Variants in ACER1 observed in about 807,000 individuals in gnomAD.
ACER1 encodes the protein CTB-180A7.3.
A neutral mutation model predicts 24.9 loss-of-function variants in ACER1; 28 were observed. The observed-to-expected ratio is 1.13, with a 90% confidence interval of 0.83 to 1.54. The LOEUF (loss-of-function observed/expected upper bound fraction) is 1.54. ACER1 is among the 40% of genes most tolerant of loss of function. The pLI is 0.00. For synonymous variants in ACER1, 132 were observed against 131.4 expected (o/e 1.00, Z -0.03); for missense variants, 352 against 349.3 (o/e 1.01, Z -0.06).
At chr19:6,348,012 C>A in the ACER1 span, among the ~76,000 whole-genome samples, 8,707 of 137,250 alleles carry the variant, frequency 0.063, 353 homozygotes, top group African/African-American at 0.13. Context: ...GGCCTCCCAA[C>A]GTGCTGGGAT....
At chr19:6,313,130 AT>A (rs2091589724) in intron 1 of ACER1, among the ~76,000 whole-genome samples, 1 of 151,798 alleles carries the variant, frequency 6.6e-6, no homozygotes, top group South Asian at 2.1e-4. Flanking sequence ...CTATTTATTT[AT>A]TTTACAGTCA....
chr19:6,313,253 G>A (rs1247277314), intron 1 of ACER1, among the ~76,000 whole-genome samples: 1 of 151,956 alleles, frequency 6.6e-6, no homozygotes, highest in Non-Finnish European at 1.5e-5. Context: ...CGAGTAGCTG[G>A]GACTACAGGT....
At chr19:6,358,166 G>A in the ACER1 span, among the ~76,000 whole-genome samples, 3 of 152,164 alleles carry the variant, frequency 2.0e-5, no homozygotes, top group African/African-American at 7.2e-5. Flanking sequence ...CAGAAACTGG[G>A]ACAGCAGCTG....
At chr19:6,307,076 C>T (rs568039189) in intron 5 of ACER1, 77 bp downstream of exon 5, 138 of 1,584,882 alleles carry the variant, frequency 8.7e-5, no homozygotes, top group Non-Finnish European at 1.2e-4. Flanking sequence ...ACCCCAGCCC[C>T]CAGGTGCCTA....
chr19:6,321,489 T>C (rs1600240390), intron 1 of ACER1, among the ~76,000 whole-genome samples: 1 of 152,282 alleles, frequency 6.6e-6, no homozygotes, highest in Non-Finnish European at 1.5e-5. Context: ...TTTTTCTTCC[T>C]TGGCACATCC....
intron 1 of ACER1, among the ~76,000 whole-genome samples, chr19:6,318,911 G>A (rs1469045229): frequency 4.0e-5 from 6 of 151,186 alleles, no homozygotes; most frequent in African/African-American, 1.5e-4. Flanking sequence ...TGATTAAGAG[G>A]GTGCTCCCCT....
chr19:6,317,758 G>A (rs1410885461), intron 1 of ACER1, among the ~76,000 whole-genome samples: 2 of 151,444 alleles, frequency 1.3e-5, no homozygotes, highest in African/African-American at 4.9e-5. Context: ...TTGTTTTTGT[G>A]TTTTTTTTCT....
the ACER1 span, among the ~76,000 whole-genome samples, chr19:6,347,312 C>G: frequency 6.7e-6 from 1 of 150,062 alleles, no homozygotes; most frequent in Non-Finnish European, 1.5e-5. Flanking sequence ...CCTCAACCTC[C>G]TGGGTTCAAG....
chr19:6,312,654 C>A (rs1257971328), intron 1 of ACER1, among the ~76,000 whole-genome samples, 155 bp from the exon 2 acceptor site: 1 of 150,510 alleles, frequency 6.6e-6, no homozygotes, highest in African/African-American at 2.4e-5. Context: ...ACCTGTCAAC[C>A]TTTCAGCCGA....
chr19:6,329,533 G>T (rs542161571), intron 1 of ACER1, among the ~76,000 whole-genome samples: 1 of 152,052 alleles, frequency 6.6e-6, no homozygotes, highest in Admixed American at 6.6e-5. Context: ...TTCATAATAG[G>T]TGTTCTGATC....
At chr19:6,323,470 T>C (rs1600241671) in intron 1 of ACER1, among the ~76,000 whole-genome samples, 1 of 151,214 alleles carries the variant, frequency 6.6e-6, no homozygotes, top group Admixed American at 6.6e-5. Flanking sequence ...CTGCACAAGC[T>C]CTTTCTCTTT....
upstream of ACER1, among the ~76,000 whole-genome samples, chr19:6,334,278 T>C (rs1450208383): frequency 6.6e-6 from 1 of 152,068 alleles, no homozygotes; most frequent in Non-Finnish European, 1.5e-5. Context: ...TCTCCTGACC[T>C]CGTGATCCAC....
chr19:6,306,690 G>T lies in ACER1; in HGVS notation c.*24C>A, dbSNP rs183754362. The T allele has an allele frequency of 1.9e-6, 3 of 1,581,836 alleles. No homozygotes were observed. The highest frequency in any genetic ancestry group is 4.5e-5 in the East Asian group (2 of 44,482). On this transcript the variant is annotated 3_prime_UTR_variant, in exon 6 of 6. Transcript: ENST00000301452. ...GACACAGGCAAGTTGTTGGGTGGTT[G>T]GATAGTCAAGAGGCTGGCAGGTCTC... is the stretch of plus-strand genomic sequence containing the variant.
At chr19:6,310,495 A>T (rs557911459) in intron 3 of ACER1, among the ~76,000 whole-genome samples, 46 of 151,920 alleles carry the variant, frequency 3.0e-4, no homozygotes, top group African/African-American at 8.4e-4. Context: ...TGCTTGAACC[A>T]GGAGGCAGAG....
chr19:6,329,548 G>A (rs2091677941), intron 1 of ACER1, among the ~76,000 whole-genome samples: 1 of 152,062 alleles, frequency 6.6e-6, no homozygotes, highest in African/African-American at 2.4e-5. Flanking sequence ...CTGATCAGAG[G>A]AGTTTGACAA....
chr19:6,315,472 C>T (rs775048970), intron 1 of ACER1, among the ~76,000 whole-genome samples: 13 of 151,724 alleles, frequency 8.6e-5, no homozygotes, highest in African/African-American at 1.7e-4. Context: ...CTCCGCCTCC[C>T]GGGTTCATGC....
chr19:6,315,087 G>A lies in ACER1; in HGVS notation c.94-2588C>T, dbSNP rs768941397. Among the ~76,000 whole-genome samples the A allele has an allele frequency of 7.4e-4, 112 of 151,926 alleles. 1 individual carries two copies. The highest frequency in any genetic ancestry group is 2.4e-3 in the African/African-American group (100 of 41,482). On this transcript the variant is annotated intron_variant, in intron 1 of 5. Transcript: ENST00000301452. ...TTTTTTTGTAGTTTTAGTAGAGACG[G>A]GGTTTCACCGTGGTCTCAATCTCCT...
At chr19:6,346,735 G>A in the ACER1 span, among the ~76,000 whole-genome samples, 6 of 151,564 alleles carry the variant, frequency 4.0e-5, no homozygotes, top group East Asian at 7.7e-4. Context: ...ACCCCCAGCC[G>A]CTGTTTTCCA....
At chr19:6,336,968 G>C (rs1179642019), upstream of ACER1, among the ~76,000 whole-genome samples, 2 of 151,866 alleles carry the variant, frequency 1.3e-5, no homozygotes, top group African/African-American at 4.8e-5. Flanking sequence ...TTGAGGTCAG[G>C]AGTTCAAGAC....
Sources: allele counts gnomAD v4.1 joint callset (sites outside exome capture counted in the v4.1 genomes callset), GRCh38; gene constraint gnomAD v4.1.1; transcripts MANE v1.5; gene names NCBI Gene and HGNC (gene_info 2026-07-23, HGNC 2026-07-21).